FBN2: variants seen among roughly 807,000 people sequenced by gnomAD.
FBN2 encodes fibrillin-2.
FBN2 carries 105 observed loss-of-function variants against 355.6 expected under a neutral mutation model. The observed-to-expected ratio is 0.30, with a 90% confidence interval of 0.25 to 0.35. The LOEUF (loss-of-function observed/expected upper bound fraction) is 0.35. Ranked by LOEUF, FBN2 falls within the 10% of genes least tolerant of loss-of-function variation. The pLI is 1.00. For missense variants in FBN2, 3,280 were observed against 3,758.7 expected, an observed-to-expected ratio of 0.87 and a Z score of 3.33; for synonymous variants, 1,350 against 1,301.2, an observed-to-expected ratio of 1.04 and a Z score of -0.81.
Position 128,312,709 on chromosome 5 carries a change from T to C in FBN2, c.4804A>G (p.Ser1602Gly). ...SCNTEIGVGV[S>G]RSSCCCSLGK... The stretch of plus-strand genomic sequence containing the variant: ...AGAGAGCAGCAGCATGAAGAGCGAC[T>C]GACGCCCACCCCGATCTCGGTGTTG... The change falls in exon 37 of 65, where the codon AGT becomes GGT. Residue 1602 changes from serine to glycine, a missense_variant. This residue lies in a region of FBN2 where 2,284 missense variants were observed against 2,749.5 expected (regional missense o/e 0.83). Transcript: ENST00000262464. The C allele has an allele frequency of 6.2e-7, 1 of 1,613,732 alleles. No individual in the cohort carries two copies. The highest frequency in any genetic ancestry group is 1.1e-5 in the South Asian group (1 of 91,038).
At chr5:128,531,004 T>C (rs944820423) in intron 2 of FBN2, among the ~76,000 whole-genome samples, 1 of 152,164 alleles carries the variant, frequency 6.6e-6, no homozygotes, top group Non-Finnish European at 1.5e-5. Flanking sequence ...ATACCACTAC[T>C]GGGTATCTAC....
chr5:128,531,720 GTGTATA>G (rs1458471439), intron 2 of FBN2, among the ~76,000 whole-genome samples: 2 of 143,152 alleles, frequency 1.4e-5, no homozygotes, highest in Non-Finnish European at 1.5e-5. Context: ...ATATGTATGT[GTGTATA>G]TATATATATA....
At chr5:128,487,493 C>G (rs914300442) in intron 5 of FBN2, among the ~76,000 whole-genome samples, 2 of 152,150 alleles carry the variant, frequency 1.3e-5, no homozygotes, top group Non-Finnish European at 2.9e-5. Context: ...ATCTCAAAAA[C>G]CTCTCTGTTT....
intron 5 of FBN2, among the ~76,000 whole-genome samples, chr5:128,488,463 T>A (rs1372443622): frequency 6.6e-6 from 1 of 152,190 alleles, no homozygotes. Context: ...CCAGTTCTTT[T>A]TTTTCTGTGC....
chr5:128,408,820 A>T, intron 7 of FBN2, 21 bp from the exon 8 acceptor site: 1 of 1,613,722 alleles, frequency 6.2e-7, no homozygotes, highest in Non-Finnish European at 8.5e-7. Flanking sequence ...GAAGAAGGAG[A>T]AGATGATTGA....
chr5:128,484,672 T>C (rs990015946), intron 5 of FBN2, among the ~76,000 whole-genome samples: 1 of 152,228 alleles, frequency 6.6e-6, no homozygotes, highest in South Asian at 2.1e-4. Context: ...ATATATTTTA[T>C]GTCATGTAGT....
chr5:128,300,809 A>G lies in FBN2; in HGVS notation c.6166+8T>C, dbSNP rs1288938096. On this transcript the variant is annotated splice_region_variant and intron_variant, in intron 48 of 64. Coordinates refer to ENST00000262464, the MANE Select transcript of FBN2 (RefSeq NM_001999.4). ...ACTAGTGGGCCTCAGAATAAATGTT[A>G]CTCTTACCAATGCAGTTCTCGCTTT... is the stretch of plus-strand genomic sequence containing the variant. The G allele has an allele frequency of 1.9e-6, 3 of 1,613,616 alleles. No homozygotes were observed. The highest frequency in any genetic ancestry group is 2.5e-6 in the Non-Finnish European group (3 of 1,179,656).
chr5:128,306,358 G>A (rs937479929), intron 42 of FBN2, among the ~76,000 whole-genome samples: 8 of 152,108 alleles, frequency 5.3e-5, no homozygotes, highest in African/African-American at 1.9e-4. Context: ...GGTGGCTCAC[G>A]CCTGTAATCC....
intron 34 of FBN2, among the ~76,000 whole-genome samples, chr5:128,322,195 G>A (rs963543211): frequency 2.0e-5 from 3 of 151,952 alleles, no homozygotes; most frequent in Non-Finnish European, 2.9e-5. Flanking sequence ...CCCTTTGTCC[G>A]ATAGATAGAT....
At chr5:128,354,970 G>C (rs1751463413) in intron 20 of FBN2, among the ~76,000 whole-genome samples, 1 of 152,190 alleles carries the variant, frequency 6.6e-6, no homozygotes, top group African/African-American at 2.4e-5. Context: ...CAACACAGAG[G>C]CTCTCGAGGA....
In FBN2 at chr5:128,393,148, G is replaced by A; in HGVS notation, c.1452C>T (p.Ile484=). Residue 484 remains isoleucine, a synonymous_variant, in exon 10 of 65, where the codon ATC becomes ATT. Coordinates refer to ENST00000262464, the MANE Select transcript of FBN2 (RefSeq NM_001999.4). ...CTGACCACTTACTTAGTCCAGTGAT[G>A]ATAGGTCCCTGTCCCCCGGCCCCCA... The part of the protein sequence containing the change: ...AGVGAGGQGP[I]ITGLTILNQT... The A allele has an allele frequency of 6.2e-7, 1 of 1,613,498 alleles. No individual in the cohort carries two copies. The highest frequency in any genetic ancestry group is 2.2e-5 in the East Asian group (1 of 44,878).
At position 128,301,378 on chromosome 5, in the gene FBN2, T is replaced by C; in HGVS notation, c.6046+4A>G. On this transcript the variant is annotated splice_donor_region_variant and intron_variant, in intron 47 of 64. Transcript: ENST00000262464. ...CAAAGACTGCTTATTATTTAAATAC[T>C]TACCTATACAGTTTTTGCCATCTGG... is the stretch of plus-strand genomic sequence containing the variant. 6.2e-7 allele frequency: 1 copy of C among 1,612,522 alleles called. No homozygotes were observed. Among genetic ancestry groups the C allele is most frequent in the Non-Finnish European group, 8.5e-7 (1 of 1,178,732 alleles).
At chr5:128,409,948 T>A (rs1356432681) in intron 7 of FBN2, among the ~76,000 whole-genome samples, 1 of 152,218 alleles carries the variant, frequency 6.6e-6, no homozygotes, top group East Asian at 1.9e-4. Flanking sequence ...ATTCATTATT[T>A]TTTTCCATTT....
chr5:128,471,690 C>T (rs1005773201), intron 5 of FBN2, among the ~76,000 whole-genome samples: 1 of 151,882 alleles, frequency 6.6e-6, no homozygotes, highest in Non-Finnish European at 1.5e-5. Context: ...TGAGAGACTG[C>T]CTTTTAACCA....
chr5:128,412,223 TGTG>T lies in FBN2; in HGVS notation c.953-3427_953-3425del, dbSNP rs534973707. 3.9e-5 allele frequency among the ~76,000 whole-genome samples: 6 copies of T among 152,356 alleles called. No individual in the cohort carries two copies. In the South Asian group the frequency reaches 1.2e-3, roughly 32 times the overall value. Reference sequence around the variant, plus strand: ...GAAGTCTAGAAGTGGTTTCAACCAATGTGTCTTGTTCAGTTTCTGTGAGATATG... The same window carrying T: ...GAAGTCTAGAAGTGGTTTCAACCAATTCTTGTTCAGTTTCTGTGAGATATG... On this transcript the variant is annotated intron_variant, in intron 7 of 64. Coordinates refer to ENST00000262464, the MANE Select transcript of FBN2 (RefSeq NM_001999.4).
At chr5:128,339,864 T>C (rs528541194) in intron 25 of FBN2, among the ~76,000 whole-genome samples, 3 of 152,280 alleles carry the variant, frequency 2.0e-5, no homozygotes, top group Non-Finnish European at 2.9e-5. Flanking sequence ...AGAGCACACA[T>C]AGGGCAGGGC....
rs200971005 is a variant in FBN2, at chr5:128,274,008, T to C, written c.7712-40A>G. 154 of 1,611,340 alleles carry C rather than the reference T, an allele frequency of 9.6e-5. 2 individuals are homozygous for C. The highest frequency in any genetic ancestry group is 1.1e-5 in the Non-Finnish European group (13 of 1,177,710). ...AGAAGCAGAGCGTCAAACTTTCCAA[T>C]CATAACATGTCTTACGTTTCATGGG... On this transcript the variant is annotated intron_variant, in intron 60 of 64. Transcript: ENST00000262464.
intron 7 of FBN2, among the ~76,000 whole-genome samples, chr5:128,439,512 A>C (rs1283240390): frequency 3.3e-5 from 5 of 152,096 alleles, no homozygotes; most frequent in Admixed American, 1.3e-4. Context: ...ATAAGGATAA[A>C]TATGTTTTTG....
intron 8 of FBN2, among the ~76,000 whole-genome samples, chr5:128,397,861 C>A (rs1752688925): frequency 6.6e-6 from 1 of 152,012 alleles, no homozygotes; most frequent in Admixed American, 6.6e-5. Context: ...ATAAAAAGCC[C>A]AGATTCCACT....
Sources: gnomAD v4.1 joint callset for allele counts (sites outside exome capture counted in the v4.1 genomes callset) on GRCh38, gnomAD v4.1.1 for gene constraint, gnomAD v4.1.1 regional missense constraint, MANE v1.5 for transcripts, NCBI Gene and HGNC (gene_info 2026-07-23, HGNC 2026-07-21) for gene names.